Variants in SNX8 observed in about 807,000 individuals in gnomAD.
SNX8 encodes sorting nexin-8.
In SNX8, 25 loss-of-function variants were observed where a neutral mutation model predicts 51.6. That is an observed-to-expected ratio of 0.48 (90% CI 0.35 to 0.68). SNX8 has a LOEUF of 0.68. Among genes scored for constraint, SNX8 ranks in the 30% least tolerant of loss-of-function variants. SNX8 has a pLI of 0.00. For missense variants in SNX8, 695 were observed against 624.0 expected, an observed-to-expected ratio of 1.11 and a Z score of -1.21; for synonymous variants, 324 against 277.0, an observed-to-expected ratio of 1.17 and a Z score of -1.68.
chr7:2,303,609 A>G (rs1169500709), intron 1 of SNX8, among the ~76,000 whole-genome samples: 1 of 152,224 alleles, frequency 6.6e-6, no homozygotes, highest in Admixed American at 6.5e-5. Flanking sequence ...GTTCTGTACT[A>G]AGAAAAATTC....
chr7:2,268,598 G>A (rs1478148213), intron 5 of SNX8, among the ~76,000 whole-genome samples: 55 of 127,294 alleles, frequency 4.3e-4, no homozygotes, highest in South Asian at 1.0e-3. Context: ...GGAGGGAGGT[G>A]GGGGGGTCAG....
upstream of SNX8, chr7:2,314,543 A>G (rs1332956324): frequency 2.1e-6 from 2 of 952,664 alleles, no homozygotes; most frequent in African/African-American, 2.3e-5. Flanking sequence ...CGCCACGCCC[A>G]CAGTCCGCCC....
rs746168161 is a variant in SNX8 at position 2,264,463 on chromosome 7, C to T, written c.622-5G>A. The T allele has an allele frequency of 2.5e-6, 4 of 1,608,458 alleles. No individual in the cohort carries two copies. Among genetic ancestry groups the T allele is most frequent in the Non-Finnish European group, 3.4e-6 (4 of 1,178,840 alleles). On this transcript the variant is annotated splice_polypyrimidine_tract_variant and splice_region_variant and intron_variant, in intron 5 of 10. Coordinates refer to ENST00000222990, the MANE Select transcript of SNX8 (RefSeq NM_013321.4). Reference sequence around the variant, plus strand: ...GATGTCAGCTGGGAGGAAGTCCTGACATCATGATGGGGGGAGAGACACTGT... The same window carrying T: ...GATGTCAGCTGGGAGGAAGTCCTGATATCATGATGGGGGGAGAGACACTGT...
At chr7:2,267,594 G>A (rs1458932925) in intron 5 of SNX8, among the ~76,000 whole-genome samples, 2 of 143,450 alleles carry the variant, frequency 1.4e-5, no homozygotes, top group Non-Finnish European at 3.1e-5. Flanking sequence ...GATTGCAGAC[G>A]GAGTCTCGTT....
intron 1 of SNX8, among the ~76,000 whole-genome samples, chr7:2,343,706 C>A (rs534866991): frequency 6.6e-6 from 1 of 151,962 alleles, no homozygotes; most frequent in South Asian, 2.1e-4. Flanking sequence ...AGATTATCTT[C>A]CCACTGTAGA....
chr7:2,316,796 C>T (rs1796765779), upstream of SNX8, among the ~76,000 whole-genome samples: 2 of 152,192 alleles, frequency 1.3e-5, no homozygotes, highest in East Asian at 3.9e-4. Context: ...CACCCACTCA[C>T]TCACTCACTC....
At chr7:2,312,859 C>T (rs1248560333) in intron 1 of SNX8, among the ~76,000 whole-genome samples, 1 of 152,084 alleles carries the variant, frequency 6.6e-6, no homozygotes, top group Non-Finnish European at 1.5e-5. Flanking sequence ...AAGGGGCACC[C>T]TCCTGTATTC....
chr7:2,325,464 A>G (rs946061448), intron 1 of SNX8, among the ~76,000 whole-genome samples: 2 of 152,166 alleles, frequency 1.3e-5, no homozygotes, highest in Non-Finnish European at 1.5e-5. Flanking sequence ...GGATGCCTAA[A>G]TGGTCACAAA....
At chr7:2,269,408 C>T in intron 5 of SNX8, 151 bp downstream of exon 5, 1 of 412,788 alleles carries the variant, frequency 2.4e-6, no homozygotes, top group Non-Finnish European at 4.3e-6. Context: ...CCTAGGAAAA[C>T]CAGAGACCTT....
chr7:2,351,456 G>A (rs1779136542), intron 1 of SNX8, among the ~76,000 whole-genome samples: 1 of 151,956 alleles, frequency 6.6e-6, no homozygotes, highest in Non-Finnish European at 1.5e-5. Context: ...GGAAGCTAAG[G>A]TGAGCCTGTG....
chr7:2,319,331 G>C (rs1172162305), upstream of SNX8, among the ~76,000 whole-genome samples: 1 of 150,008 alleles, frequency 6.7e-6, no homozygotes, highest in Admixed American at 6.7e-5. Context: ...GACAGAGTAA[G>C]ACCCTGCCTC....
intron 1 of SNX8, among the ~76,000 whole-genome samples, chr7:2,291,561 G>A (rs1378336692): frequency 6.6e-6 from 1 of 151,338 alleles, no homozygotes; most frequent in East Asian, 1.9e-4. Flanking sequence ...TCATGGCACT[G>A]CACTCTAGCC....
chr7:2,323,336 A>G (rs1336824365), intron 1 of SNX8, among the ~76,000 whole-genome samples: 2,183 of 151,272 alleles, frequency 0.014, 63 homozygotes, highest in African/African-American at 0.05. Context: ...TCTCAAAAAA[A>G]AAAAAAAAAA....
intron 1 of SNX8, among the ~76,000 whole-genome samples, chr7:2,292,890 G>A (rs532469348): frequency 6.6e-6 from 1 of 152,152 alleles, no homozygotes; most frequent in Admixed American, 6.5e-5. Context: ...AGGCATGGTG[G>A]CTCATGCTTG....
intron 1 of SNX8, among the ~76,000 whole-genome samples, chr7:2,349,172 C>G (rs1472051723): frequency 6.7e-6 from 1 of 149,900 alleles, no homozygotes; most frequent in African/African-American, 2.5e-5. Context: ...CCACTGCACT[C>G]CAGCCTGGGT....
Position 2,253,878 on chromosome 7 carries a change from AC to A in SNX8, c.*1177del, listed in dbSNP as rs1795108429. ...TCTGCGGAGCGGAGGGACCTCGGAAACCCTGGAGCCCGGCGGGCCTCTTCCA... is the reference window on the plus strand; with the variant it reads ...TCTGCGGAGCGGAGGGACCTCGGAAACCTGGAGCCCGGCGGGCCTCTTCCA... On this transcript the variant is annotated 3_prime_UTR_variant, in exon 11 of 11. Transcript: ENST00000222990. 1 of 152,008 alleles carries A rather than the reference AC, an allele frequency of 6.6e-6. No homozygotes were observed. Among genetic ancestry groups the A allele is most frequent in the African/African-American group, 2.4e-5 (1 of 41,330 alleles). 9.4% of individuals were successfully genotyped at this position (152,008 alleles called of 1,614,324 possible).
chr7:2,255,543 G>C (rs1177488108), intron 10 of SNX8, among the ~76,000 whole-genome samples: 1 of 152,212 alleles, frequency 6.6e-6, no homozygotes, highest in Non-Finnish European at 1.5e-5. Flanking sequence ...ACCAAGGCCA[G>C]CCTGGGCAAC....
At chr7:2,300,343 G>A (rs925542263) in intron 1 of SNX8, among the ~76,000 whole-genome samples, 2 of 152,176 alleles carry the variant, frequency 1.3e-5, no homozygotes, top group East Asian at 3.8e-4. Context: ...GAACTCAACT[G>A]GAAACAGACT....
At chr7:2,350,288 G>T (rs1779111630) in intron 1 of SNX8, among the ~76,000 whole-genome samples, 1 of 152,180 alleles carries the variant, frequency 6.6e-6, no homozygotes, top group Non-Finnish European at 1.5e-5. Flanking sequence ...GGAGGGGTTA[G>T]TCTCGGCCCA....
Sources: allele counts gnomAD v4.1 joint callset (sites outside exome capture counted in the v4.1 genomes callset), GRCh38; gene constraint gnomAD v4.1.1; transcripts MANE v1.5; gene names NCBI Gene and HGNC (gene_info 2026-07-23, HGNC 2026-07-21).